Variants in NPM1 observed in about 807,000 individuals in gnomAD.
NPM1 encodes nucleophosmin.
Under a neutral mutation model 44.1 loss-of-function variants are expected in NPM1, and 1 was observed. That is an observed-to-expected ratio of 0.02 (90% CI 0.01 to 0.11). The LOEUF (loss-of-function observed/expected upper bound fraction) is 0.11, where lower values mean the gene tolerates loss of function less well. Among genes scored for constraint, NPM1 ranks in the 10% least tolerant of loss-of-function variants. NPM1 has a pLI of 1.00. For synonymous variants in NPM1, 126 were observed against 111.8 expected, an observed-to-expected ratio of 1.13 and a Z score of -0.80; for missense variants, 197 against 347.8, an observed-to-expected ratio of 0.57 and a Z score of 3.45.
chr5:171,392,695 T>TA lies in NPM1; in HGVS notation c.353-12dup. 1 of 1,571,048 alleles carries TA rather than the reference T, an allele frequency of 6.4e-7. No homozygotes were observed. The highest frequency in any genetic ancestry group is 2.2e-5 in the East Asian group (1 of 44,650). On this transcript the variant is annotated splice_polypyrimidine_tract_variant and intron_variant, in intron 4 of 10. Coordinates refer to ENST00000296930, the MANE Select transcript of NPM1 (RefSeq NM_002520.7). ...GCTGCTTGAGTTTTATAATGTCTAA[T>TA]AAATTGTATTTTAGCTGTGGAGGAA...
intron 9 of NPM1, chr5:171,406,466 CAA>C: frequency 6.2e-7 from 1 of 1,609,108 alleles, no homozygotes; most frequent in Non-Finnish European, 8.5e-7. Context: ...AAAGGAGAGA[CAA>C]ATATAGTCCA....
chr5:171,404,769 G>A (rs1581256908), intron 8 of NPM1, among the ~76,000 whole-genome samples: 1 of 149,786 alleles, frequency 6.7e-6, no homozygotes, highest in East Asian at 2.0e-4. Flanking sequence ...CGGCACTTTG[G>A]GAGGCCAAGG....
intron 2 of NPM1, chr5:171,391,096 T>G (rs1770554037): frequency 1.9e-6 from 1 of 539,534 alleles, no homozygotes; most frequent in Non-Finnish European, 3.3e-6. Flanking sequence ...CTGTACAGGT[T>G]TGTAGCCTAG....
intron 9 of NPM1, chr5:171,405,606 A>G: frequency 1.8e-6 from 1 of 563,594 alleles, no homozygotes; most frequent in Non-Finnish European, 3.1e-6. Context: ...AAAATTAAAT[A>G]TGCCTTATTT....
intron 1 of NPM1, among the ~76,000 whole-genome samples, chr5:171,389,008 C>A (rs1038876818): frequency 6.6e-6 from 1 of 152,192 alleles, no homozygotes; most frequent in Non-Finnish European, 1.5e-5. Flanking sequence ...GACCAAACTG[C>A]TTTTCTAAAT....
In NPM1 at chr5:171,402,154, A is replaced by G. The variant is rs542384951; in HGVS notation, c.669+1229A>G. Among the ~76,000 whole-genome samples, 935 of 150,666 alleles carry G rather than the reference A, an allele frequency of 6.2e-3. 4 individuals carry two copies. The highest frequency in any genetic ancestry group is 0.017 in the Middle Eastern group (5 of 294). ...TATAATCTATTGACTAAATGTAACT[A>G]ATGATGAACCTCCATACAAACAACC... On this transcript the variant is annotated intron_variant, in intron 8 of 10. Transcript: ENST00000296930.
At chr5:171,408,657 G>GT (rs1771683037) in intron 10 of NPM1, among the ~76,000 whole-genome samples, 1 of 152,086 alleles carries the variant, frequency 6.6e-6, no homozygotes. Flanking sequence ...TTGCTGTTCT[G>GT]TTTTTTCTCT....
chr5:171,406,099 T>A (rs1433618432), intron 9 of NPM1, among the ~76,000 whole-genome samples: 1 of 152,126 alleles, frequency 6.6e-6, no homozygotes, highest in Admixed American at 6.6e-5. Flanking sequence ...AATAATACTT[T>A]TAGACTCCAA....
chr5:171,388,372 C>T (rs1770379804), intron 1 of NPM1, among the ~76,000 whole-genome samples: 1 of 152,144 alleles, frequency 6.6e-6, no homozygotes, highest in African/African-American at 2.4e-5. Context: ...GCTTCTGATG[C>T]CAGGCCCCGG....
chr5:171,399,833 A>G (rs1771100428), intron 6 of NPM1, among the ~76,000 whole-genome samples: 2 of 152,136 alleles, frequency 1.3e-5, no homozygotes, highest in Admixed American at 1.3e-4. Flanking sequence ...AGCGATCACA[A>G]TTATACCTTC....
rs1250910604 is a variant in NPM1, at chr5:171,404,178, G to T, written c.670-1124G>T. ...CCCGGATGGCACGGCTGGCCGGTCG[G>T]GGGGGCTGACCCCCCACCTCCCTCC... On this transcript the variant is annotated intron_variant, in intron 8 of 10. Coordinates refer to ENST00000296930, the MANE Select transcript of NPM1 (RefSeq NM_002520.7). 2.1e-5 allele frequency among the ~76,000 whole-genome samples: 2 copies of T among 97,050 alleles called. 1 individual carries two copies. The highest frequency in any genetic ancestry group is 8.3e-5 in the African/African-American group (2 of 23,996). 63.7% of individuals were successfully genotyped at this position (97,050 alleles called of 152,430 possible).
chr5:171,400,046 T>A (rs971184656), intron 6 of NPM1, 107 bp from the exon 7 acceptor site: 4 of 707,762 alleles, frequency 5.7e-6, no homozygotes, highest in East Asian at 5.2e-5. Flanking sequence ...TGAACAATGC[T>A]TCGATAAACA....
chr5:171,403,024 T>G (rs902370048), intron 8 of NPM1, among the ~76,000 whole-genome samples: 2 of 136,600 alleles, frequency 1.5e-5, no homozygotes, highest in African/African-American at 5.4e-5. Flanking sequence ...ATTTATTTTT[T>G]TATTGATAAT....
At position 171,405,425 on chromosome 5, in the gene NPM1, A is replaced by T. The variant is rs755187647; in HGVS notation, c.771+22A>T. 6 of 1,090,120 alleles carry T rather than the reference A, an allele frequency of 5.5e-6. No homozygotes were observed. In the Admixed American group the frequency reaches 5.9e-5, roughly 11 times the overall value. 67.5% of individuals were successfully genotyped at this position (1,090,120 alleles called of 1,614,324 possible). On this transcript the variant is annotated intron_variant, in intron 9 of 10. Coordinates refer to ENST00000296930, the MANE Select transcript of NPM1 (RefSeq NM_002520.7). ...AAAAGTGAGTAAAGTTATCTTAAAA[A>T]AACTTTGTCTCCCCCCTCAAATTGC...
intron 4 of NPM1, 101 bp downstream of exon 4, chr5:171,391,900 T>G: frequency 1.7e-6 from 1 of 596,962 alleles, no homozygotes; most frequent in South Asian, 2.4e-5. Flanking sequence ...ACTACTGTCT[T>G]TTTAATAGGT....
At chr5:171,398,436 C>A (rs1344251131) in intron 6 of NPM1, among the ~76,000 whole-genome samples, 1 of 152,092 alleles carries the variant, frequency 6.6e-6, no homozygotes, top group Non-Finnish European at 1.5e-5. Flanking sequence ...ATGATTTGTT[C>A]AAAAACTATT....
intron 8 of NPM1, among the ~76,000 whole-genome samples, chr5:171,401,215 A>G (rs943797723): frequency 1.2e-4 from 18 of 151,994 alleles, no homozygotes; most frequent in Non-Finnish European, 2.2e-4. Context: ...AAAATTAGCC[A>G]GGCATGGTGG....
chr5:171,400,811 A>G (rs1256675787), intron 7 of NPM1, 28 bp from the exon 8 acceptor site: 5 of 1,438,142 alleles, frequency 3.5e-6, no homozygotes, highest in Non-Finnish European at 4.9e-6. Flanking sequence ...GGTCAGGGAC[A>G]GTGATTAAGA....
At chr5:171,395,376 T>G (rs1459912911) in intron 6 of NPM1, among the ~76,000 whole-genome samples, 1 of 152,108 alleles carries the variant, frequency 6.6e-6, no homozygotes, top group African/African-American at 2.4e-5. Context: ...CTCTGCTCGC[T>G]GCAACCTCTG....
Sources: gnomAD v4.1 joint callset for allele counts (sites outside exome capture counted in the v4.1 genomes callset) on GRCh38, gnomAD v4.1.1 for gene constraint, MANE v1.5 for transcripts, NCBI Gene and HGNC (gene_info 2026-07-23, HGNC 2026-07-21) for gene names.